The following SLC24A2 variants were observed in gnomAD, a reference collection of about 807,000 sequenced individuals.
The protein encoded by SLC24A2 is sodium/potassium/calcium exchanger 2.
In SLC24A2, 36 loss-of-function variants were observed where a neutral mutation model predicts 62.0. That is an observed-to-expected ratio of 0.58 (90% CI 0.44 to 0.77). The LOEUF is 0.77. Among genes scored for constraint, SLC24A2 ranks in the 30% least tolerant of loss-of-function variants. The probability of loss-of-function intolerance (pLI) is 0.00; values close to 1 mark genes in which losing one functional copy is unlikely to be tolerated. For synonymous variants in SLC24A2, 358 were observed against 294.0 expected (o/e 1.22, Z -2.23); for missense variants, 846 against 817.9 (o/e 1.03, Z -0.42).
At chr9:19,640,390 T>C (rs1047192597) in intron 2 of SLC24A2, among the ~76,000 whole-genome samples, 1 of 152,242 alleles carries the variant, frequency 6.6e-6, no homozygotes, top group African/African-American at 2.4e-5. Context: ...TTCATATTAC[T>C]TGGGTTTATT....
intron 2 of SLC24A2, among the ~76,000 whole-genome samples, chr9:19,713,721 C>T (rs1468827339): frequency 6.6e-6 from 1 of 152,156 alleles, no homozygotes; most frequent in African/African-American, 2.4e-5. Flanking sequence ...AATTCAGTAA[C>T]TCCAGCCCTA....
the SLC24A2 span, among the ~76,000 whole-genome samples, chr9:19,797,017 T>G: frequency 3.3e-5 from 5 of 152,182 alleles, no homozygotes; most frequent in Non-Finnish European, 7.3e-5. Context: ...GCTTTATCTT[T>G]TCTCCATTTT....
chr9:19,940,589 G>C, the SLC24A2 span, among the ~76,000 whole-genome samples: 1 of 152,062 alleles, frequency 6.6e-6, no homozygotes, highest in South Asian at 2.1e-4. Context: ...CAAAAGGCTT[G>C]TGGAATCTGT....
chr9:20,192,049 G>C, the SLC24A2 span, among the ~76,000 whole-genome samples: 1 of 152,180 alleles, frequency 6.6e-6, no homozygotes, highest in East Asian at 1.9e-4. Flanking sequence ...CAATAGGCAT[G>C]TGGAGGAAAG....
the SLC24A2 span, among the ~76,000 whole-genome samples, chr9:20,103,233 G>A: frequency 6.6e-6 from 1 of 152,228 alleles, no homozygotes; most frequent in Non-Finnish European, 1.5e-5. Flanking sequence ...GCTCAAGGAG[G>A]CCTGCCTGCC....
At chr9:19,520,292 C>A (rs1028029787) in intron 10 of SLC24A2, among the ~76,000 whole-genome samples, 1 of 152,082 alleles carries the variant, frequency 6.6e-6, no homozygotes, top group East Asian at 1.9e-4. Flanking sequence ...TGGTGGAGAT[C>A]GCAGCACCTC....
At chr9:19,568,553 G>A (rs1486841180) in intron 7 of SLC24A2, among the ~76,000 whole-genome samples, 1 of 152,174 alleles carries the variant, frequency 6.6e-6, no homozygotes, top group Non-Finnish European at 1.5e-5. Flanking sequence ...CCTCACAACA[G>A]TGCTATGAGA....
At chr9:20,003,296 C>G in the SLC24A2 span, among the ~76,000 whole-genome samples, 2 of 152,132 alleles carry the variant, frequency 1.3e-5, no homozygotes, top group Non-Finnish European at 2.9e-5. Flanking sequence ...GCCACATAGC[C>G]ACATATCCAC....
intron 2 of SLC24A2, among the ~76,000 whole-genome samples, chr9:19,628,018 C>G (rs953548365): frequency 4.6e-5 from 7 of 152,212 alleles, no homozygotes; most frequent in Admixed American, 3.9e-4. Flanking sequence ...TTCAATGCCT[C>G]TCACAGAATT....
At chr9:19,939,548 G>A in the SLC24A2 span, among the ~76,000 whole-genome samples, 1 of 152,234 alleles carries the variant, frequency 6.6e-6, no homozygotes, top group Non-Finnish European at 1.5e-5. Flanking sequence ...AAGGTGCTCT[G>A]GGTGAGTCAG....
chr9:19,561,550 T>G (rs1353492365), intron 7 of SLC24A2, among the ~76,000 whole-genome samples: 1 of 150,960 alleles, frequency 6.6e-6, no homozygotes, highest in Non-Finnish European at 1.5e-5. Context: ...TTTTCCTGCC[T>G]CAGCCTCCCG....
At chr9:20,215,376 T>C in the SLC24A2 span, among the ~76,000 whole-genome samples, 6 of 152,082 alleles carry the variant, frequency 3.9e-5, no homozygotes, top group African/African-American at 1.4e-4. Flanking sequence ...CCTCATATTA[T>C]CGAGAACTAT....
chr9:19,977,072 T>C, the SLC24A2 span, among the ~76,000 whole-genome samples: 2 of 152,056 alleles, frequency 1.3e-5, no homozygotes, highest in Admixed American at 1.3e-4. Flanking sequence ...TAAGTTTTTG[T>C]GACATCTTTG....
Position 19,786,155 on chromosome 9 carries a change from G to A in SLC24A2, c.712C>T (p.Leu238Phe). Reference sequence around the variant, plus strand: ...ATGTAGAAAGACACATCTCGAAAGAGCGGCCACCATGTCAGGTTTAAGATT... The same window carrying A: ...ATGTAGAAAGACACATCTCGAAAGAACGGCCACCATGTCAGGTTTAAGATT... ...REILNLTWWPLFRDVSFYIVD... is the reference protein window; with the variant it reads ...REILNLTWWPFFRDVSFYIVD... The change falls in exon 2 of 11, where the codon CTC becomes TTC. Residue 238 changes from leucine (L) to phenylalanine (F), a missense_variant. By Grantham distance (22) the Leu-to-Phe change is conservative (BLOSUM62 0). Transcript: ENST00000341998. The surrounding 1 kb of genome is among the most constrained non-coding windows in gnomAD (Gnocchi z 5.0). The A allele has an allele frequency of 1.2e-6, 2 of 1,614,196 alleles. No homozygotes were observed. The highest frequency in any genetic ancestry group is 1.7e-5 in the Admixed American group (1 of 60,030).
intron 2 of SLC24A2, among the ~76,000 whole-genome samples, chr9:19,685,205 G>A (rs1426254776): frequency 6.6e-6 from 1 of 152,084 alleles, no homozygotes; most frequent in Non-Finnish European, 1.5e-5. Context: ...GCTAACCAGA[G>A]AGGTGAAAGA....
chr9:20,204,223 C>G, the SLC24A2 span, among the ~76,000 whole-genome samples: 1 of 152,160 alleles, frequency 6.6e-6, no homozygotes, highest in Non-Finnish European at 1.5e-5. Flanking sequence ...AAACCTTGTA[C>G]AGTTGAATTG....
At chr9:19,575,071 T>C (rs1204940272) in intron 6 of SLC24A2, among the ~76,000 whole-genome samples, 1 of 152,234 alleles carries the variant, frequency 6.6e-6, no homozygotes, top group Admixed American at 6.5e-5. Context: ...CAGCCAAATT[T>C]TGGAAATCAT....
At chr9:20,074,238 C>T in the SLC24A2 span, among the ~76,000 whole-genome samples, 1 of 151,810 alleles carries the variant, frequency 6.6e-6, no homozygotes, top group Non-Finnish European at 1.5e-5. Flanking sequence ...GGTATGAGTC[C>T]TCACAAATGA....
the SLC24A2 span, among the ~76,000 whole-genome samples, chr9:20,124,940 G>T: frequency 1.1e-3 from 174 of 152,284 alleles, no homozygotes; most frequent in Non-Finnish European, 2.1e-3. Flanking sequence ...GCTGGAAGTA[G>T]CACCTTGTTA....
Sources: allele counts gnomAD v4.1 joint callset (sites outside exome capture counted in the v4.1 genomes callset), GRCh38; gene constraint gnomAD v4.1.1; non-coding constraint Gnocchi (gnomAD v3.1); transcripts MANE v1.5; gene names NCBI Gene and HGNC (gene_info 2026-07-23, HGNC 2026-07-21).